The following CNTROB variants were observed in gnomAD, a reference collection of about 807,000 sequenced individuals.
CNTROB encodes the protein centrobin.
A neutral mutation model predicts 115.7 loss-of-function variants in CNTROB; 82 were observed. The ratio of observed to expected loss-of-function variants is 0.71; its 90% CI spans 0.59 to 0.85. CNTROB has a LOEUF of 0.85. Ranked by LOEUF, CNTROB falls within the 40% of genes least tolerant of loss-of-function variation. CNTROB has a pLI of 0.00. For synonymous variants in CNTROB, 439 were observed against 456.4 expected, an observed-to-expected ratio of 0.96 and a Z score of 0.49; for missense variants, 1,014 against 1,144.4, an observed-to-expected ratio of 0.89 and a Z score of 1.64.
chr17:7,942,652 C>T (rs954407456), intron 9 of CNTROB, among the ~76,000 whole-genome samples: 4 of 145,754 alleles, frequency 2.7e-5, no homozygotes, highest in South Asian at 4.4e-4. Context: ...AAATACTATA[C>T]GTGGAAATCA....
At position 7,940,280 on chromosome 17, in the gene CNTROB, A is replaced by G. The variant is rs1040589236; in HGVS notation, c.1311+38A>G. 3 of 1,559,828 alleles carry G rather than the reference A, an allele frequency of 1.9e-6. No individual in the cohort carries two copies. In the African/African-American group the frequency reaches 4.1e-5, roughly 21 times the overall value. On this transcript the variant is annotated intron_variant, in intron 9 of 18. Coordinates refer to ENST00000563694, the MANE Select transcript of CNTROB (RefSeq NM_053051.5). ...AGGTTTCTTGAGGTTTTGTTCTGAC[A>G]GAAGTAGATCTGAGGCAGAGGGACC...
At position 7,949,672 on chromosome 17, in the gene CNTROB, A is replaced by G; in HGVS notation, c.*162A>G. 1 of 590,868 alleles carries G rather than the reference A, an allele frequency of 1.7e-6. No homozygotes were observed. The highest frequency in any genetic ancestry group is 2.7e-6 in the Non-Finnish European group (1 of 364,996). 36.6% of individuals were successfully genotyped at this position (590,868 alleles called of 1,614,324 possible). On this transcript the variant is annotated 3_prime_UTR_variant, in exon 19 of 19. Transcript: ENST00000563694. The stretch of plus-strand genomic sequence containing the variant: ...ACATTTGGTTGAGTACTTTTTTTAT[A>G]TGTTACATGTTTATATGTCATTTCC...
In CNTROB at chr17:7,941,731, G is replaced by A. The variant is rs1272170592; in HGVS notation, c.1311+1489G>A. On this transcript the variant is annotated intron_variant, in intron 9 of 18. Transcript: ENST00000563694. ...TCCCAGCACTTTGGGAGGCCGAAACGGGCAGATTGCTTGAGCCCAGGAGTT... is the reference window on the plus strand; with the variant it reads ...TCCCAGCACTTTGGGAGGCCGAAACAGGCAGATTGCTTGAGCCCAGGAGTT... 7.2e-5 allele frequency among the ~76,000 whole-genome samples: 11 copies of A among 151,978 alleles called. No homozygotes were observed. The East Asian group carries it at 9.6e-4, about 13-fold the overall frequency.
At chr17:7,940,063 G>A (rs936085099) in intron 8 of CNTROB, 33 bp from the exon 9 acceptor site, 5 of 1,551,916 alleles carry the variant, frequency 3.2e-6, no homozygotes, top group Non-Finnish European at 4.3e-6. Context: ...TAAGAAATGA[G>A]GTATGTATAT....
At chr17:7,937,332 G>A (rs904034649) in intron 7 of CNTROB, 70 bp downstream of exon 7, 1 of 1,578,442 alleles carries the variant, frequency 6.3e-7, no homozygotes. Flanking sequence ...TGGGCTATTG[G>A]TGGATTGTGG....
rs1418783038 is a variant in CNTROB at position 7,948,688 on chromosome 17, G to A, written c.2513+69G>A. 4 of 1,613,882 alleles carry A rather than the reference G, an allele frequency of 2.5e-6. No homozygotes were observed. The highest frequency in any genetic ancestry group is 3.4e-6 in the Non-Finnish European group (4 of 1,179,938). On this transcript the variant is annotated intron_variant, in intron 17 of 18. Coordinates refer to ENST00000563694, the MANE Select transcript of CNTROB (RefSeq NM_053051.5). This position sits in a 1 kb window ranked among gnomAD's most constrained non-coding sequence, Gnocchi z 4.4. ...CTGGATTATGGGGAGTGGAGTGGGTGTGTTTTACACTGAATTGAATCGTTG... is the reference window on the plus strand; with the variant it reads ...CTGGATTATGGGGAGTGGAGTGGGTATGTTTTACACTGAATTGAATCGTTG...
Position 7,944,895 on chromosome 17 carries a change from G to A in CNTROB, c.1734+257G>A, listed in dbSNP as rs1974344718. 1.3e-5 allele frequency among the ~76,000 whole-genome samples: 2 copies of A among 152,170 alleles called. No individual in the cohort carries two copies. Among genetic ancestry groups the A allele is most frequent in the African/African-American group, 4.8e-5 (2 of 41,432 alleles). ...GAAATCTAGCTCCCTCCCAAGGGAA[G>A]TACTAAGTTCAGCTCCTAAGGCCTA... On this transcript the variant is annotated intron_variant, in intron 12 of 18. Transcript: ENST00000563694. The surrounding 1 kb of genome is among the most constrained non-coding windows in gnomAD (Gnocchi z 4.0).
intron 9 of CNTROB, among the ~76,000 whole-genome samples, chr17:7,940,778 TAA>T (rs1289289560): frequency 6.6e-6 from 1 of 152,244 alleles, no homozygotes; most frequent in Non-Finnish European, 1.5e-5. Context: ...TCCATCTAGC[TAA>T]CACACTGAAT....
intron 9 of CNTROB, among the ~76,000 whole-genome samples, chr17:7,942,787 A>ATTTTTTTTTTT (rs71159534): frequency 2.0e-4 from 7 of 35,790 alleles, no homozygotes; most frequent in Non-Finnish European, 3.5e-4. Context: ...TACTCAGGGT[A>ATTTTTTTTTTT]TTTTTTTTTT....
At position 7,933,042 on chromosome 17, in the gene CNTROB, A is replaced by C; in HGVS notation, c.-38A>C. ...GGACTTTGCTAAAGCAGAACCTCCC[A>C]GCTCTTTGCTGTCTCCGGTTGTCTC... On this transcript the variant is annotated 5_prime_UTR_variant, in exon 1 of 19. Coordinates refer to ENST00000563694, the MANE Select transcript of CNTROB (RefSeq NM_053051.5). The C allele has an allele frequency of 6.2e-7, 1 of 1,600,430 alleles. No homozygotes were observed. The highest frequency in any genetic ancestry group is 8.5e-7 in the Non-Finnish European group (1 of 1,173,470).
intron 13 of CNTROB, among the ~76,000 whole-genome samples, chr17:7,947,045 C>T (rs1024148913): frequency 2.0e-5 from 3 of 151,658 alleles, no homozygotes; most frequent in Admixed American, 6.6e-5. Flanking sequence ...TCTGTAGTCC[C>T]AGCTACTCGG....
At chr17:7,947,782 C>T in intron 14 of CNTROB, 60 bp downstream of exon 14, 1 of 1,600,682 alleles carries the variant, frequency 6.2e-7, no homozygotes, top group South Asian at 1.1e-5. Flanking sequence ...TTTCCTCTTT[C>T]TGCTCTGGGA....
intron 13 of CNTROB, among the ~76,000 whole-genome samples, chr17:7,946,969 GCTAACACAGTGAAA>G (rs1361098770): frequency 6.6e-6 from 1 of 152,002 alleles, no homozygotes; most frequent in African/African-American, 2.4e-5. Context: ...GACCATCCTG[GCTAACACAGTGAAA>G]CCCCGTCTCT....
intron 7 of CNTROB, 26 bp downstream of exon 7, chr17:7,937,288 C>A (rs759902816): frequency 1.2e-5 from 19 of 1,612,808 alleles, no homozygotes; most frequent in Non-Finnish European, 1.6e-5. Flanking sequence ...TGGGTTAATT[C>A]CACTGGAAGC....
rs778994240 is a variant in CNTROB, at chr17:7,936,370, G to A, written c.599G>A (p.Cys200Tyr). The change falls in exon 5 of 19, where the codon TGT (cysteine) becomes TAT (tyrosine). Residue 200 changes from cysteine (C) to tyrosine (Y), a missense_variant. Physicochemically the swap from Cys to Tyr is radical, Grantham distance 194. Transcript: ENST00000563694. ...ACTCCTCACCCTTTTCCCCAGCATT[G>A]TGAGCGCCATATTCAGAGCCTGCAG... Reference protein sequence around the residue: ...LDSEHTRRKHCERHIQSLQTR... With the variant: ...LDSEHTRRKHYERHIQSLQTR... 1.5e-6 allele frequency: 2 copies of A among 1,376,120 alleles called. No individual in the cohort carries two copies. The highest frequency in any genetic ancestry group is 2.1e-6 in the Non-Finnish European group (2 of 963,172). The allele number at this position is 1,376,120 out of a possible 1,614,324, so 85.2% of individuals were successfully genotyped here.
chr17:7,934,769 A>C (rs1972943109), intron 3 of CNTROB: 1 of 685,926 alleles, frequency 1.5e-6, no homozygotes, highest in African/African-American at 1.8e-5. Context: ...ACCTGCAGTC[A>C]TTCTTCCCCT....
rs1340241045 is a variant in CNTROB at position 7,939,120 on chromosome 17, T to C, written c.928-393T>C. 6.6e-6 allele frequency among the ~76,000 whole-genome samples: 1 copy of C among 151,774 alleles called. No individual in the cohort carries two copies. Among genetic ancestry groups the C allele is most frequent in the African/African-American group, 2.4e-5 (1 of 41,284 alleles). ...TTTTGGTTTTATTTGAGATGGAGTC[T>C]TGCTCGATGTCGCCTAGGCTGGAGT... On this transcript the variant is annotated intron_variant, in intron 7 of 18. Transcript: ENST00000563694. The surrounding 1 kb of genome is among the most constrained non-coding windows in gnomAD (Gnocchi z 4.4).
rs1974288982 is a variant in CNTROB at position 7,944,502 on chromosome 17, G to A, written c.1598G>A (p.Cys533Tyr). The change falls in exon 12 of 19, where the codon TGC becomes TAC. Residue 533 changes from cysteine (C) to tyrosine (Y), a missense_variant. By Grantham distance (194) the Cys-to-Tyr change is radical. Transcript: ENST00000563694. The surrounding 1 kb of genome is among the most constrained non-coding windows in gnomAD (Gnocchi z 4.0). ...CTGGCCCGGGAGCAAGCGCGAGTGT[G>A]CGAACTGCAGAGTGGGAACCAGCAG... ...LRLAREQARV[C>Y]ELQSGNQQLE... The A allele has an allele frequency of 6.2e-7, 1 of 1,613,900 alleles. No individual in the cohort carries two copies. The highest frequency in any genetic ancestry group is 1.7e-5 in the Admixed American group (1 of 59,990).
intron 13 of CNTROB, 118 bp downstream of exon 13, chr17:7,946,104 C>G: frequency 1.1e-6 from 1 of 900,528 alleles, no homozygotes; most frequent in South Asian, 1.6e-5. Flanking sequence ...CTTTAGTGAT[C>G]GCAAGTTGCA....
Sources: allele counts gnomAD v4.1 joint callset (sites outside exome capture counted in the v4.1 genomes callset), GRCh38; gene constraint gnomAD v4.1.1; non-coding constraint Gnocchi (gnomAD v3.1); transcripts MANE v1.5; gene names NCBI Gene and HGNC (gene_info 2026-07-23, HGNC 2026-07-21).